The following PLEKHG4 variants were observed in gnomAD, a reference collection of about 807,000 sequenced individuals.
PLEKHG4 encodes puratrophin-1.
In PLEKHG4, 85 loss-of-function variants were observed where a neutral mutation model predicts 136.9. That is an observed-to-expected ratio of 0.62 (90% CI 0.52 to 0.74). The LOEUF (loss-of-function observed/expected upper bound fraction) is 0.74. Ranked by LOEUF, PLEKHG4 falls within the 30% of genes least tolerant of loss-of-function variation. PLEKHG4 has a pLI of 0.00. For synonymous variants in PLEKHG4, 577 were observed against 646.9 expected, an observed-to-expected ratio of 0.89 and a Z score of 1.64; for missense variants, 1,317 against 1,527.8, an observed-to-expected ratio of 0.86 and a Z score of 2.30.
Position 67,280,551 on chromosome 16 carries a change from A to G in PLEKHG4, c.499+8A>G, listed in dbSNP as rs1461479063. 2 of 1,612,972 alleles carry G rather than the reference A, an allele frequency of 1.2e-6. No individual in the cohort carries two copies. The highest frequency in any genetic ancestry group is 1.1e-5 in the South Asian group (1 of 91,076). On this transcript the variant is annotated splice_region_variant and intron_variant, in intron 2 of 21. Coordinates refer to ENST00000379344, the MANE Select transcript of PLEKHG4 (RefSeq NM_001129729.3). This position sits in a 1 kb window ranked among gnomAD's most constrained non-coding sequence, Gnocchi z 4.4. ...CAAAGCTGCTGGAGGCAGGTAAGGA[A>G]GGCTGGGCTAGGGAAGTCTGGGAAG...
rs2142442396 is a variant in PLEKHG4 at position 67,282,272 on chromosome 16, G to A, written c.1176G>A (p.Trp392Ter). ...TGCTAGACTCGCCATGGCTGGCATG[G>A]CTACAATGCCAGGGGGGCCGGGAGC... Reference protein sequence around the residue: ...QQVLDSPWLAWLQCQGGRELT... With the variant: ...QQVLDSPWLA Residue 392 changes from tryptophan to a stop codon, truncating the protein, a stop_gained, in exon 9 of 22, where the codon TGG (tryptophan) becomes TGA (stop). Transcript: ENST00000379344. LOFTEE classifies it high-confidence loss of function. 1 of 1,613,394 alleles carries A rather than the reference G, an allele frequency of 6.2e-7. No individual in the cohort carries two copies.
chr16:67,281,053 C>T, intron 4 of PLEKHG4, 38 bp from the exon 5 acceptor site: 4 of 1,613,784 alleles, frequency 2.5e-6, no homozygotes, highest in Non-Finnish European at 3.4e-6. Context: ...GCTGTGAGGA[C>T]TGGGAGTCAG....
At position 67,284,155 on chromosome 16, in the gene PLEKHG4, A is replaced by C; in HGVS notation, c.1510-120A>C. ...TGGGTGGGGAGTAGGAGATACGGGT[A>C]GATGTTCCACCACAGGACAGACTTG... On this transcript the variant is annotated intron_variant, in intron 11 of 21. Transcript: ENST00000379344. The surrounding 1 kb of genome is among the most constrained non-coding windows in gnomAD (Gnocchi z 4.4). 1 of 793,380 alleles carries C rather than the reference A, an allele frequency of 1.3e-6. No individual in the cohort carries two copies. Among genetic ancestry groups the C allele is most frequent in the Non-Finnish European group, 2.0e-6 (1 of 495,838 alleles). The allele number at this position is 793,380 out of a possible 1,614,324, so 49.1% of individuals were successfully genotyped here.
upstream of PLEKHG4, chr16:67,277,899 T>C (rs1403016141): frequency 6.6e-6 from 1 of 152,384 alleles, no homozygotes; most frequent in Non-Finnish European, 1.5e-5. Flanking sequence ...TCTATCTCAG[T>C]ATGGCTGTAC....
Position 67,286,870 on chromosome 16 carries a change from G to T in PLEKHG4, c.2876G>T (p.Arg959Leu). The change falls in exon 17 of 22, where the codon CGC (arginine) becomes CTC (leucine). Residue 959 changes from arginine to leucine, a missense_variant. Coordinates refer to ENST00000379344, the MANE Select transcript of PLEKHG4 (RefSeq NM_001129729.3). ...FEELLLFSKP[R>L]HGPTGVDTFA... The stretch of plus-strand genomic sequence containing the variant: ...GAGCTGCTGCTCTTCAGCAAGCCTC[G>T]CCATGGGCCCACAGGGGTTGACACA... 6.2e-7 allele frequency: 1 copy of T among 1,614,072 alleles called. No individual in the cohort carries two copies.
chr16:67,287,188 G>T lies in PLEKHG4; in HGVS notation c.3103+11G>T. 6.2e-7 allele frequency: 1 copy of T among 1,604,104 alleles called. No homozygotes were observed. The highest frequency in any genetic ancestry group is 1.1e-5 in the South Asian group (1 of 91,056). On this transcript the variant is annotated intron_variant, in intron 18 of 21. Transcript: ENST00000379344. ...CCGTCCACAACAAGGGTGGGTCCATGCCCCTCCTTCACGCCACACTCCCCT... is the reference window on the plus strand; with the variant it reads ...CCGTCCACAACAAGGGTGGGTCCATTCCCCTCCTTCACGCCACACTCCCCT...
intron 7 of PLEKHG4, 24 bp downstream of exon 7, chr16:67,281,861 G>C (rs1210341065): frequency 6.3e-7 from 1 of 1,596,184 alleles, no homozygotes; most frequent in African/African-American, 1.3e-5. Flanking sequence ...GTGGGGCATG[G>C]GGGCAGTCAT....
At position 67,280,338 on chromosome 16, in the gene PLEKHG4, C is replaced by G; in HGVS notation, c.294C>G (p.Gly98=). The change falls in exon 2 of 22, where the codon GGC becomes GGG. Residue 98 remains glycine, a synonymous_variant. Coordinates refer to ENST00000379344, the MANE Select transcript of PLEKHG4 (RefSeq NM_001129729.3). This position sits in a 1 kb window ranked among gnomAD's most constrained non-coding sequence, Gnocchi z 4.4. ...CCTCAGTCCTGTCAGAAGGGCCAGGCCCCTCTGGAGTGGAGAGTCTCCTAT... is the reference window on the plus strand; with the variant it reads ...CCTCAGTCCTGTCAGAAGGGCCAGGGCCCTCTGGAGTGGAGAGTCTCCTAT... ...ESSSVLSEGP[G]PSGVESLLCP... The G allele has an allele frequency of 6.2e-7, 1 of 1,613,570 alleles. No homozygotes were observed. The highest frequency in any genetic ancestry group is 8.5e-7 in the Non-Finnish European group (1 of 1,179,854).
In PLEKHG4 at chr16:67,284,559, C is replaced by A; in HGVS notation, c.1692+102C>A. The A allele has an allele frequency of 6.8e-7, 1 of 1,477,660 alleles. No homozygotes were observed. The highest frequency in any genetic ancestry group is 9.4e-7 in the Non-Finnish European group (1 of 1,069,230). 91.5% of individuals were successfully genotyped at this position (1,477,660 alleles called of 1,614,324 possible). On this transcript the variant is annotated intron_variant, in intron 12 of 21. Transcript: ENST00000379344. This position sits in a 1 kb window ranked among gnomAD's most constrained non-coding sequence, Gnocchi z 4.4. ...GCTTTTCTTGGTCATGCTGCCTGTT[C>A]TCTTCCCTGGTCTTCAGTTTGACCC...
rs141280733 is a variant in PLEKHG4, at chr16:67,281,630, C to G, written c.877C>G (p.Pro293Ala). The change falls in exon 6 of 22, where the codon CCT becomes GCT. Residue 293 changes from proline to alanine, a missense_variant. Pro to Ala is a conservative substitution (Grantham distance 27). Coordinates refer to ENST00000379344, the MANE Select transcript of PLEKHG4 (RefSeq NM_001129729.3). Reference sequence around the variant, plus strand: ...GGGAAGCACGCTGCTGAAGGAAGTGCCTTCCGGGCTGCAGGTACTAAGCCC... The same window carrying G: ...GGGAAGCACGCTGCTGAAGGAAGTGGCTTCCGGGCTGCAGGTACTAAGCCC... Reference protein sequence around the residue: ...LVGSTLLKEVPSGLQLEQLPS... With the variant: ...LVGSTLLKEVASGLQLEQLPS... The G allele has an allele frequency of 2.4e-5, 39 of 1,613,884 alleles. No individual in the cohort carries two copies. The African/African-American group carries it at 4.7e-4, about 19-fold the overall frequency.
Position 67,286,476 on chromosome 16 carries a change from A to G in PLEKHG4, c.2564A>G (p.Asp855Gly). ...CAGCAAGCACTGGGGGACCACCTGG[A>G]CCTGGCCTCCTACCTGCTAAAGCCC... The part of the protein sequence containing the change: ...DKQQALGDHL[D>G]LASYLLKPIQ... The change falls in exon 16 of 22, where the codon GAC (aspartate) becomes GGC (glycine). Residue 855 changes from aspartate (D) to glycine (G), a missense_variant. Transcript: ENST00000379344. 1 of 1,608,932 alleles carries G rather than the reference A, an allele frequency of 6.2e-7. No individual in the cohort carries two copies. Among genetic ancestry groups the G allele is most frequent in the Non-Finnish European group, 8.5e-7 (1 of 1,177,154 alleles).
chr16:67,286,587 G>A lies in PLEKHG4; in HGVS notation c.2675G>A (p.Arg892Gln), dbSNP rs752382466. The change falls in exon 16 of 22, where the codon CGG (arginine) becomes CAG (glutamine). Residue 892 changes from arginine to glutamine, a missense_variant. Transcript: ENST00000379344. ...GGPTQELSAL[R>Q]EAQSLVHFQL... Reference sequence around the variant, plus strand: ...CCCACGCAGGAGCTCAGTGCGCTGCGGGAGGCCCAGAGCCTTGTGCACTTC... The same window carrying A: ...CCCACGCAGGAGCTCAGTGCGCTGCAGGAGGCCCAGAGCCTTGTGCACTTC... 1.3e-5 allele frequency: 20 copies of A among 1,560,166 alleles called. No homozygotes were observed. The highest frequency in any genetic ancestry group is 2.4e-5 in the East Asian group (1 of 41,452).
rs1204704041 is a variant in PLEKHG4, at chr16:67,286,302, A to G, written c.2471A>G (p.Tyr824Cys). 2.5e-6 allele frequency: 4 copies of G among 1,613,934 alleles called. No homozygotes were observed. Among genetic ancestry groups the G allele is most frequent in the Non-Finnish European group, 3.4e-6 (4 of 1,179,822 alleles). ...GTGCAGTTTGGGATGTACGCGCTCTACAGCAAGAATAAGCCTCGCTCCGAT... is the reference window on the plus strand; with the variant it reads ...GTGCAGTTTGGGATGTACGCGCTCTGCAGCAAGAATAAGCCTCGCTCCGAT... ...HRVQFGMYAL[Y>C]SKNKPRSDAL... The change falls in exon 15 of 22, where the codon TAC becomes TGC. Residue 824 changes from tyrosine (Y) to cysteine (C), a missense_variant. By Grantham distance (194) the Tyr-to-Cys change is radical. Coordinates refer to ENST00000379344, the MANE Select transcript of PLEKHG4 (RefSeq NM_001129729.3).
At chr16:67,279,422 G>A (rs893675455), upstream of PLEKHG4, 9 of 151,958 alleles carry the variant, frequency 5.9e-5, no homozygotes, top group East Asian at 1.7e-3. Context: ...GCCCCGTCGA[G>A]ACCTGCTCGG....
At position 67,287,030 on chromosome 16, in the gene PLEKHG4, G is replaced by A; in HGVS notation, c.2956G>A (p.Gly986Arg). 1 of 1,613,352 alleles carries A rather than the reference G, an allele frequency of 6.2e-7. No homozygotes were observed. Among genetic ancestry groups the A allele is most frequent in the South Asian group, 1.1e-5 (1 of 91,092 alleles). Reference sequence around the variant, plus strand: ...AGACCTTGGTCTCACTGAGTGCTGTGGGAACAGCAACCTGCGCTTCGAGAT... The same window carrying A: ...AGACCTTGGTCTCACTGAGTGCTGTAGGAACAGCAACCTGCGCTTCGAGAT... ...MADLGLTECC[G>R]NSNLRFEIWF... Residue 986 changes from glycine (G) to arginine (R), a missense_variant, in exon 18 of 22, where the codon GGG (glycine) becomes AGG (arginine). Transcript: ENST00000379344.
At position 67,285,409 on chromosome 16, in the gene PLEKHG4, G is replaced by A. The variant is rs765749525; in HGVS notation, c.2315G>A (p.Arg772His). 7.4e-6 allele frequency: 12 copies of A among 1,614,086 alleles called. No individual in the cohort carries two copies. The Admixed American group carries it at 1.2e-4, about 16-fold the overall frequency. ...LDRPDVPQGL[R>H]GQRAHLFGNL... The stretch of plus-strand genomic sequence containing the variant: ...CGCCCCGATGTGCCCCAGGGCCTCC[G>A]CGGTCAGCGTGCCCACCTCTTTGGC... Residue 772 changes from arginine to histidine, a missense_variant, in exon 14 of 22, where the codon CGC (arginine) becomes CAC (histidine). Coordinates refer to ENST00000379344, the MANE Select transcript of PLEKHG4 (RefSeq NM_001129729.3).
At position 67,284,701 on chromosome 16, in the gene PLEKHG4, C is replaced by G. The variant is rs2036383047; in HGVS notation, c.1693-12C>G. 6.2e-7 allele frequency: 1 copy of G among 1,613,308 alleles called. No homozygotes were observed. Among genetic ancestry groups the G allele is most frequent in the Non-Finnish European group, 8.5e-7 (1 of 1,179,850 alleles). ...ATCTTCCTCTAATGCTTGTCCGGCC[C>G]TGGTGTTGCAGGCCTTGACGTGGGC... On this transcript the variant is annotated splice_polypyrimidine_tract_variant and intron_variant, in intron 12 of 21. Coordinates refer to ENST00000379344, the MANE Select transcript of PLEKHG4 (RefSeq NM_001129729.3). This position sits in a 1 kb window ranked among gnomAD's most constrained non-coding sequence, Gnocchi z 4.4.
intron 7 of PLEKHG4, 28 bp downstream of exon 7, chr16:67,281,865 C>A (rs370139506): frequency 1.3e-6 from 2 of 1,587,840 alleles, no homozygotes; most frequent in Non-Finnish European, 1.7e-6. Flanking sequence ...GGCATGGGGG[C>A]AGTCATATAG....
rs1354957716 is a variant in PLEKHG4 at position 67,289,030 on chromosome 16, C to A, written c.*222C>A. On this transcript the variant is annotated 3_prime_UTR_variant, in exon 22 of 22. Transcript: ENST00000379344. ...TAGAGCCTGAATAGGCTCCTGGCCC[C>A]ATGACCCCTTCTCCTGTCCCCAGCT... The A allele has an allele frequency of 1.5e-6, 1 of 646,578 alleles. No individual in the cohort carries two copies. The highest frequency in any genetic ancestry group is 2.8e-6 in the Non-Finnish European group (1 of 354,892). 40.1% of individuals were successfully genotyped at this position (646,578 alleles called of 1,614,324 possible).
Sources: gnomAD v4.1 joint callset for allele counts on GRCh38, gnomAD v4.1.1 for gene constraint, Gnocchi (gnomAD v3.1) non-coding constraint, MANE v1.5 for transcripts, NCBI Gene and HGNC (gene_info 2026-07-23, HGNC 2026-07-21) for gene names.